The following LGALS2 variants were observed in gnomAD, a reference collection of about 807,000 sequenced individuals.
The protein encoded by LGALS2 is galectin 2.
In LGALS2, 7 loss-of-function variants were observed where a neutral mutation model predicts 10.1. The ratio of observed to expected loss-of-function variants is 0.70; its 90% confidence interval spans 0.40 to 1.31. LGALS2 has a LOEUF of 1.31. Ranked by LOEUF, LGALS2 falls within the 50% of genes most tolerant of loss-of-function variation. The probability of loss-of-function intolerance (pLI) is 0.01; values close to 1 mark genes in which losing one functional copy is unlikely to be tolerated. For synonymous variants in LGALS2, 86 were observed against 64.2 expected, an observed-to-expected ratio of 1.34 and a Z score of -1.63; for missense variants, 167 against 163.6, an observed-to-expected ratio of 1.02 and a Z score of -0.11.
chr22:37,576,990 T>TGG (rs112028927), intron 1 of LGALS2, among the ~76,000 whole-genome samples: 6 of 107,444 alleles, frequency 5.6e-5, no homozygotes, highest in East Asian at 3.0e-4. Context: ...TCCCTAGAGC[T>TGG]GGGGGGGTGG....
intron 2 of LGALS2, 57 bp downstream of exon 2, chr22:37,571,792 C>T: frequency 1.4e-6 from 2 of 1,431,706 alleles, no homozygotes; most frequent in Non-Finnish European, 2.0e-6. Context: ...CTGCCTGCCC[C>T]ACCCGCCCTG....
intron 1 of LGALS2, chr22:37,579,062 G>C (rs1388558393): frequency 6.7e-6 from 1 of 149,116 alleles, no homozygotes; most frequent in Non-Finnish European, 1.5e-5. Context: ...ACTCCAGCCT[G>C]GGCAACAGAA....
At chr22:37,575,106 G>A (rs1048292318) in intron 1 of LGALS2, among the ~76,000 whole-genome samples, 3 of 151,770 alleles carry the variant, frequency 2.0e-5, no homozygotes, top group South Asian at 2.1e-4. Flanking sequence ...GGTTGGTCTC[G>A]AACTCCTGAC....
At position 37,570,672 on chromosome 22, in the gene LGALS2, G is replaced by C. The variant is rs766720583; in HGVS notation, c.153C>G (p.Ser51Arg). The change falls in exon 3 of 4, where the codon AGC (serine) becomes AGG (arginine). Residue 51 changes from serine to arginine, a missense_variant. Ser to Arg is a moderately radical substitution (Grantham distance 110, BLOSUM62 -1). Transcript: ENST00000215886. The part of the protein sequence containing the change: ...KLNLHFNPRF[S>R]ESTIVCNSLD... ...ATGAGTTGCAGACAATGGTGGATTC[G>C]CTGAAGCGAGGGTTGAAATGCAGGT... 6.2e-7 allele frequency: 1 copy of C among 1,614,114 alleles called. No homozygotes were observed. Among genetic ancestry groups the C allele is most frequent in the Admixed American group, 1.7e-5 (1 of 59,998 alleles).
intron 1 of LGALS2, among the ~76,000 whole-genome samples, chr22:37,576,226 G>A (rs1192198860): frequency 6.6e-6 from 1 of 152,094 alleles, no homozygotes; most frequent in East Asian, 1.9e-4. Flanking sequence ...GCCGAGGGGG[G>A]CGGATCACGA....
At chr22:37,578,450 G>A (rs766081268) in intron 1 of LGALS2, among the ~76,000 whole-genome samples, 6 of 152,138 alleles carry the variant, frequency 3.9e-5, no homozygotes, top group Non-Finnish European at 5.9e-5. Context: ...AAGGCAAAGC[G>A]TAGTGGCATG....
chr22:37,572,009 T>C, intron 1 of LGALS2, 78 bp from the exon 2 acceptor site: 1 of 1,186,430 alleles, frequency 8.4e-7, no homozygotes, highest in Non-Finnish European at 1.3e-6. Context: ...TTCATCCACC[T>C]CATGCCAACC....
At chr22:37,579,485 T>A (rs1485462274) in intron 1 of LGALS2, among the ~76,000 whole-genome samples, 2 of 151,818 alleles carry the variant, frequency 1.3e-5, no homozygotes, top group Non-Finnish European at 1.5e-5. Flanking sequence ...CAGGCTGGAG[T>A]GCAATGGCAC....
Position 37,577,443 on chromosome 22 carries a change from G to A in LGALS2, c.6+2457C>T, listed in dbSNP as rs575082309. 3.3e-5 allele frequency among the ~76,000 whole-genome samples: 5 copies of A among 150,140 alleles called. No homozygotes were observed. The East Asian group carries it at 5.9e-4, about 18-fold the overall frequency. ...CGGCTCACTGCAACCTCTGCCTCCCGGGTTCAACCGATTCTCCTGCCTCAG... is the reference window on the plus strand; with the variant it reads ...CGGCTCACTGCAACCTCTGCCTCCCAGGTTCAACCGATTCTCCTGCCTCAG... On this transcript the variant is annotated intron_variant, in intron 1 of 3. Transcript: ENST00000215886.
intron 1 of LGALS2, among the ~76,000 whole-genome samples, chr22:37,577,767 C>G (rs561264534): frequency 6.6e-6 from 1 of 152,086 alleles, no homozygotes; most frequent in Admixed American, 6.5e-5. Flanking sequence ...AAATCCAATA[C>G]GACCAGTGTT....
chr22:37,579,163 G>T (rs574450640), intron 1 of LGALS2, among the ~76,000 whole-genome samples: 2 of 139,334 alleles, frequency 1.4e-5, no homozygotes, highest in Admixed American at 1.6e-4. Flanking sequence ...CCAGAGAATT[G>T]CTTGAACCCA....
chr22:37,570,774 G>T, intron 2 of LGALS2, 39 bp from the exon 3 acceptor site: 1 of 1,613,124 alleles, frequency 6.2e-7, no homozygotes, highest in Non-Finnish European at 8.5e-7. Flanking sequence ...TCAGGGCTCA[G>T]GCCTGGATAA....
chr22:37,573,668 T>G (rs185570494), intron 1 of LGALS2, among the ~76,000 whole-genome samples: 1 of 152,206 alleles, frequency 6.6e-6, no homozygotes, highest in Admixed American at 6.5e-5. Flanking sequence ...GGGCCTCACG[T>G]AGACCAACAG....
At position 37,580,005 on chromosome 22, in the gene LGALS2, C is replaced by T; in HGVS notation, c.-100G>A. 1 of 1,325,560 alleles carries T rather than the reference C, an allele frequency of 7.5e-7. No homozygotes were observed. Among genetic ancestry groups the T allele is most frequent in the Non-Finnish European group, 1.1e-6 (1 of 938,188 alleles). 82.1% of individuals were successfully genotyped at this position (1,325,560 alleles called of 1,614,324 possible). ...TATATCCTAGAATATTACACATTAA[C>T]TCCCTCAAGGTCCTAGGTGAGGACT... is the stretch of plus-strand genomic sequence containing the variant. On this transcript the variant is annotated 5_prime_UTR_variant, in exon 1 of 4. Transcript: ENST00000215886.
chr22:37,576,315 G>A (rs960691816), intron 1 of LGALS2, among the ~76,000 whole-genome samples: 54 of 152,004 alleles, frequency 3.6e-4, no homozygotes, highest in Admixed American at 3.3e-4. Context: ...AGCCGGGCGT[G>A]GTGGCAGGCG....
At chr22:37,576,543 A>G (rs1925688539) in intron 1 of LGALS2, among the ~76,000 whole-genome samples, 1 of 151,862 alleles carries the variant, frequency 6.6e-6, no homozygotes, top group African/African-American at 2.4e-5. Flanking sequence ...ACAGTCCAAA[A>G]GGGGCTCAAA....
chr22:37,573,504 C>T (rs1208914673), intron 1 of LGALS2, among the ~76,000 whole-genome samples: 1 of 152,140 alleles, frequency 6.6e-6, no homozygotes. Flanking sequence ...GGAGACCAGC[C>T]TGGGCAACAT....
chr22:37,578,067 C>T (rs895236976), intron 1 of LGALS2, among the ~76,000 whole-genome samples: 1 of 152,242 alleles, frequency 6.6e-6, no homozygotes, highest in African/African-American at 2.4e-5. Context: ...AATGAATACA[C>T]CATCTAATCC....
rs370505852 is a variant in LGALS2 at position 37,573,853 on chromosome 22, C to T, written c.7-1922G>A. On this transcript the variant is annotated intron_variant, in intron 1 of 3. Coordinates refer to ENST00000215886, the MANE Select transcript of LGALS2 (RefSeq NM_006498.3). The stretch of plus-strand genomic sequence containing the variant: ...TCAAGCGATTCTCCTGCCTCAGCCT[C>T]CCGAGTAGCTGGGACTACAGGCATG... Among the ~76,000 whole-genome samples the T allele has an allele frequency of 1.8e-3, 280 of 151,982 alleles. 4 individuals are homozygous for T. In the South Asian group the frequency reaches 0.026, roughly 14 times the overall value.
Sources: gnomAD v4.1 joint callset for allele counts (sites outside exome capture counted in the v4.1 genomes callset) on GRCh38, gnomAD v4.1.1 for gene constraint, MANE v1.5 for transcripts, NCBI Gene and HGNC (gene_info 2026-07-23, HGNC 2026-07-21) for gene names.